Variants in EDIL3 observed in about 807,000 individuals in gnomAD.
EDIL3 encodes EGF-like repeat and discoidin I-like domain-containing protein 3.
In EDIL3, 37 loss-of-function variants were observed where a neutral mutation model predicts 67.4. The observed-to-expected ratio is 0.55, with a 90% CI of 0.42 to 0.72. The LOEUF is 0.72. Ranked by LOEUF, EDIL3 falls within the 30% of genes least tolerant of loss-of-function variation. EDIL3 has a pLI of 0.00. For synonymous variants in EDIL3, 195 were observed against 196.3 expected (o/e 0.99, Z 0.05); for missense variants, 527 against 586.3 (o/e 0.90, Z 1.04).
chr5:84,164,526 G>T (rs985322323), intron 4 of EDIL3, among the ~76,000 whole-genome samples: 3 of 152,058 alleles, frequency 2.0e-5, no homozygotes, highest in Non-Finnish European at 2.9e-5. Flanking sequence ...CCAAGTAGTG[G>T]TAAATAACCC....
At chr5:84,145,664 C>T (rs148127289) in intron 4 of EDIL3, among the ~76,000 whole-genome samples, 33 of 152,108 alleles carry the variant, frequency 2.2e-4, no homozygotes, top group South Asian at 4.1e-4. Flanking sequence ...GCTATAATCA[C>T]GTTTGGTATG....
chr5:84,314,971 G>A (rs939025210), intron 1 of EDIL3, among the ~76,000 whole-genome samples: 2 of 152,114 alleles, frequency 1.3e-5, no homozygotes, highest in African/African-American at 4.8e-5. Context: ...GAAGCATAAT[G>A]TGTGCTACTA....
chr5:84,081,819 T>G (rs367879519), intron 6 of EDIL3, among the ~76,000 whole-genome samples: 1 of 152,280 alleles, frequency 6.6e-6, no homozygotes, highest in African/African-American at 2.4e-5. Context: ...TTAAAAACTT[T>G]TTAACAGAGA....
At chr5:84,149,016 C>T (rs946189156) in intron 4 of EDIL3, among the ~76,000 whole-genome samples, 15 of 144,310 alleles carry the variant, frequency 1.0e-4, no homozygotes, top group Admixed American at 1.4e-4. Flanking sequence ...CGTGAGACAA[C>T]AGTGTTGAAC....
intron 9 of EDIL3, among the ~76,000 whole-genome samples, chr5:84,041,638 A>T (rs937689639): frequency 1.4e-5 from 2 of 146,332 alleles, no homozygotes; most frequent in Admixed American, 1.4e-4. Flanking sequence ...ACATATACAT[A>T]TACTTACATA....
intron 3 of EDIL3, among the ~76,000 whole-genome samples, chr5:84,184,092 G>A (rs1039524206): frequency 6.6e-6 from 1 of 152,232 alleles, no homozygotes; most frequent in African/African-American, 2.4e-5. Flanking sequence ...GGCTCCAAGA[G>A]CAAAACTCCA....
At chr5:83,953,251 G>A (rs994184328) in intron 10 of EDIL3, among the ~76,000 whole-genome samples, 1 of 151,708 alleles carries the variant, frequency 6.6e-6, no homozygotes, top group Non-Finnish European at 1.5e-5. Context: ...GTTTAACTAG[G>A]TGTCAGTATT....
chr5:83,957,638 G>T (rs1376940719), intron 10 of EDIL3, among the ~76,000 whole-genome samples: 1 of 151,672 alleles, frequency 6.6e-6, no homozygotes, highest in Non-Finnish European at 1.5e-5. Flanking sequence ...GTTGAGAAAG[G>T]GAAGGAGGTT....
intron 1 of EDIL3, among the ~76,000 whole-genome samples, chr5:84,332,669 G>A (rs1746897806): frequency 6.6e-6 from 1 of 152,144 alleles, no homozygotes; most frequent in Admixed American, 6.5e-5. Flanking sequence ...TTGTCATTAT[G>A]CTGGCAGCCA....
chr5:84,073,046 C>G lies in EDIL3; in HGVS notation c.652-6440G>C, dbSNP rs926619263. On this transcript the variant is annotated intron_variant, in intron 6 of 10. Coordinates refer to ENST00000296591, the MANE Select transcript of EDIL3 (RefSeq NM_005711.5). Reference sequence around the variant, plus strand: ...TCTGCATGTCTAGATTTGACAGGGGCTGCTTCTTCTTCTTCTTCTTAAAAA... The same window carrying G: ...TCTGCATGTCTAGATTTGACAGGGGGTGCTTCTTCTTCTTCTTCTTAAAAA... Among the ~76,000 whole-genome samples the G allele has an allele frequency of 4.6e-5, 7 of 152,202 alleles. No homozygotes were observed. In the East Asian group the frequency reaches 7.7e-4, roughly 17 times the overall value.
intron 2 of EDIL3, among the ~76,000 whole-genome samples, chr5:84,242,146 G>A (rs1744808424): frequency 6.6e-6 from 1 of 151,412 alleles, no homozygotes; most frequent in South Asian, 2.1e-4. Flanking sequence ...GCAGGAGAAT[G>A]GCGTGAACCT....
At chr5:83,978,345 C>G (rs151049877) in intron 9 of EDIL3, among the ~76,000 whole-genome samples, 9 of 151,852 alleles carry the variant, frequency 5.9e-5, no homozygotes, top group African/African-American at 2.2e-4. Flanking sequence ...CTTTGAATAA[C>G]TCAACAGAAT....
At chr5:84,134,732 T>C (rs1210623430) in intron 5 of EDIL3, among the ~76,000 whole-genome samples, 1 of 152,056 alleles carries the variant, frequency 6.6e-6, no homozygotes, top group East Asian at 1.9e-4. Flanking sequence ...TAAAATTTAA[T>C]AAAATAAAAG....
intron 1 of EDIL3, among the ~76,000 whole-genome samples, chr5:84,298,294 G>A (rs895906960): frequency 1.3e-5 from 2 of 152,126 alleles, no homozygotes; most frequent in Admixed American, 6.5e-5. Context: ...GGCATACTAT[G>A]CAGCCATAAA....
chr5:84,311,201 G>A (rs1455467775), intron 1 of EDIL3, among the ~76,000 whole-genome samples: 5 of 151,618 alleles, frequency 3.3e-5, no homozygotes, highest in Non-Finnish European at 5.9e-5. Context: ...CTTAGTTTTA[G>A]GTTACATGTA....
chr5:84,331,866 GA>G (rs911396513), intron 1 of EDIL3, among the ~76,000 whole-genome samples: 44 of 152,222 alleles, frequency 2.9e-4, no homozygotes, highest in African/African-American at 1.0e-3. Context: ...AATGCTTCAT[GA>G]AAAAAGAAGT....
chr5:84,100,109 C>T (rs964588990), intron 6 of EDIL3, among the ~76,000 whole-genome samples: 8 of 152,044 alleles, frequency 5.3e-5, no homozygotes, highest in Non-Finnish European at 7.4e-5. Context: ...GAAATAGGAA[C>T]AATTTTATGC....
At chr5:84,104,995 T>A (rs906110522) in intron 6 of EDIL3, among the ~76,000 whole-genome samples, 10 of 152,200 alleles carry the variant, frequency 6.6e-5, no homozygotes, top group African/African-American at 2.4e-4. Flanking sequence ...GGTGATATCA[T>A]CTCTCAACTG....
chr5:84,236,330 C>A (rs1448706068), intron 2 of EDIL3, among the ~76,000 whole-genome samples: 1 of 152,100 alleles, frequency 6.6e-6, no homozygotes, highest in Non-Finnish European at 1.5e-5. Context: ...AGGACAAATT[C>A]TCTTACTTAA....
Sources: gnomAD v4.1 joint callset for allele counts (sites outside exome capture counted in the v4.1 genomes callset) on GRCh38, gnomAD v4.1.1 for gene constraint, MANE v1.5 for transcripts, NCBI Gene and HGNC (gene_info 2026-07-23, HGNC 2026-07-21) for gene names.